CNTNAP2: variants seen among roughly 807,000 people sequenced by gnomAD.
The protein encoded by CNTNAP2 is contactin-associated protein-like 2.
CNTNAP2 carries 98 observed loss-of-function variants against 155.2 expected under a neutral mutation model. The ratio of observed to expected loss-of-function variants is 0.63; its 90% confidence interval spans 0.54 to 0.75. The LOEUF is 0.75. CNTNAP2 is among the 30% of genes least tolerant of loss of function. CNTNAP2 has a pLI of 0.00. For synonymous variants in CNTNAP2, 651 were observed against 631.2 expected, an observed-to-expected ratio of 1.03 and a Z score of -0.47; for missense variants, 1,727 against 1,688.1, an observed-to-expected ratio of 1.02 and a Z score of -0.40.
chr7:148,118,533 C>T (rs192641217), intron 16 of CNTNAP2, among the ~76,000 whole-genome samples: 30 of 152,304 alleles, frequency 2.0e-4, no homozygotes, highest in African/African-American at 7.0e-4. Context: ...TGAGAGAGAA[C>T]ACACCGCCCT....
chr7:148,355,047 C>G (rs1343869392), intron 21 of CNTNAP2, among the ~76,000 whole-genome samples: 1 of 152,056 alleles, frequency 6.6e-6, no homozygotes, highest in Non-Finnish European at 1.5e-5. Context: ...TCCAGGTACT[C>G]ACTGGAAGGC....
At chr7:148,022,135 T>C (rs1802289536) in intron 15 of CNTNAP2, among the ~76,000 whole-genome samples, 1 of 151,844 alleles carries the variant, frequency 6.6e-6, no homozygotes, top group Non-Finnish European at 1.5e-5. Context: ...TATGTAAACC[T>C]GTCATTAGGG....
chr7:148,062,217 T>C (rs1219470885), intron 15 of CNTNAP2, among the ~76,000 whole-genome samples: 1 of 151,768 alleles, frequency 6.6e-6, no homozygotes, highest in African/African-American at 2.4e-5. Flanking sequence ...AAAAGAGACA[T>C]AATATGCAAA....
chr7:146,490,601 A>G (rs912701609), intron 1 of CNTNAP2, among the ~76,000 whole-genome samples: 1 of 152,232 alleles, frequency 6.6e-6, no homozygotes, highest in African/African-American at 2.4e-5. Flanking sequence ...AGTACCTGCT[A>G]TATGTAAGGT....
chr7:146,123,930 C>T (rs549013744), intron 1 of CNTNAP2, among the ~76,000 whole-genome samples: 11 of 152,196 alleles, frequency 7.2e-5, no homozygotes, highest in East Asian at 3.9e-4. Context: ...TAAAAAAGGA[C>T]GAGTTCATTT....
chr7:147,127,313 T>G (rs1801260445), intron 6 of CNTNAP2, among the ~76,000 whole-genome samples: 1 of 152,118 alleles, frequency 6.6e-6, no homozygotes, highest in Admixed American at 6.5e-5. Flanking sequence ...ATGAACTGTG[T>G]GGCAAATAAT....
At chr7:146,151,658 A>ATATG (rs1584774397) in intron 1 of CNTNAP2, among the ~76,000 whole-genome samples, 1 of 55,336 alleles carries the variant, frequency 1.8e-5, no homozygotes, top group Non-Finnish European at 3.5e-5. Flanking sequence ...ATATATATAT[A>ATATG]TATATATATA....
intron 1 of CNTNAP2, among the ~76,000 whole-genome samples, chr7:146,290,481 C>T (rs1563023609): frequency 6.6e-6 from 1 of 152,200 alleles, no homozygotes; most frequent in Non-Finnish European, 1.5e-5. Flanking sequence ...TGAAGCACAG[C>T]AAAGCTGTTT....
intron 13 of CNTNAP2, among the ~76,000 whole-genome samples, chr7:147,862,655 A>C (rs1799156356): frequency 6.6e-6 from 1 of 152,034 alleles, no homozygotes; most frequent in South Asian, 2.1e-4. Context: ...ACACACACAC[A>C]TATACACATA....
chr7:147,814,244 G>C (rs188534634), intron 13 of CNTNAP2, among the ~76,000 whole-genome samples: 2 of 152,204 alleles, frequency 1.3e-5, no homozygotes, highest in Admixed American at 6.5e-5. Flanking sequence ...AGAATAAAAA[G>C]CTAAACAAGG....
chr7:147,874,410 C>T (rs1439968069), intron 13 of CNTNAP2, among the ~76,000 whole-genome samples: 2 of 152,252 alleles, frequency 1.3e-5, no homozygotes, highest in Non-Finnish European at 1.5e-5. Flanking sequence ...AGACTCAAAA[C>T]CATGTGGAAG....
intron 9 of CNTNAP2, among the ~76,000 whole-genome samples, chr7:147,336,656 A>G (rs1795669446): frequency 6.6e-6 from 1 of 152,106 alleles, no homozygotes. Context: ...AAAATTATAG[A>G]ACTAGTTAGT....
At chr7:148,371,858 G>A (rs1336829816) in intron 21 of CNTNAP2, among the ~76,000 whole-genome samples, 3 of 152,020 alleles carry the variant, frequency 2.0e-5, no homozygotes, top group South Asian at 2.1e-4. Flanking sequence ...GTAACACAAC[G>A]GTATTTGTTC....
intron 11 of CNTNAP2, among the ~76,000 whole-genome samples, chr7:147,545,936 G>T (rs1799721396): frequency 1.3e-5 from 2 of 152,062 alleles, no homozygotes; most frequent in Admixed American, 6.6e-5. Flanking sequence ...GTTTTATAAG[G>T]GGTTTCCCCT....
chr7:146,130,888 C>G (rs1797703740), intron 1 of CNTNAP2, among the ~76,000 whole-genome samples: 1 of 152,122 alleles, frequency 6.6e-6, no homozygotes, highest in Non-Finnish European at 1.5e-5. Context: ...ACAACCAGAT[C>G]TTGTGAGAAT....
At chr7:148,316,248 T>C (rs574450475) in intron 21 of CNTNAP2, among the ~76,000 whole-genome samples, 2 of 152,132 alleles carry the variant, frequency 1.3e-5, no homozygotes, top group African/African-American at 4.8e-5. Context: ...AAATGACAAG[T>C]TAATGGGTGC....
At chr7:147,853,602 G>A (rs1415856423) in intron 13 of CNTNAP2, among the ~76,000 whole-genome samples, 1 of 152,104 alleles carries the variant, frequency 6.6e-6, no homozygotes, top group Non-Finnish European at 1.5e-5. Flanking sequence ...AAGCTGCTTT[G>A]CCCTGTGAGC....
rs919592202 is a variant in CNTNAP2, at chr7:147,090,002, A to G, written c.551-18145A>G. ...TATGTATTTTTTCAGCTTTCACTTT[A>G]TGTCTCTACAGTTTGCTCTCTTCCT... is the stretch of plus-strand genomic sequence containing the variant. On this transcript the variant is annotated intron_variant, in intron 4 of 23. Transcript: ENST00000361727. 7.2e-5 allele frequency among the ~76,000 whole-genome samples: 11 copies of G among 152,160 alleles called. No individual in the cohort carries two copies. In the South Asian group the frequency reaches 2.3e-3, roughly 32 times the overall value.
chr7:146,610,579 A>G (rs1416110098), intron 1 of CNTNAP2, among the ~76,000 whole-genome samples: 3 of 152,194 alleles, frequency 2.0e-5, no homozygotes, highest in Admixed American at 6.5e-5. Flanking sequence ...ATATTCTACT[A>G]TCATCTCAAA....
Sources: allele counts gnomAD v4.1 joint callset (sites outside exome capture counted in the v4.1 genomes callset), GRCh38; gene constraint gnomAD v4.1.1; transcripts MANE v1.5; gene names NCBI Gene and HGNC (gene_info 2026-07-23, HGNC 2026-07-21).